TENM3: variants seen among roughly 807,000 people sequenced by gnomAD.
The protein encoded by TENM3 is teneurin transmembrane protein 3.
Under a neutral mutation model 255.1 loss-of-function variants are expected in TENM3, and 63 were observed. The ratio of observed to expected loss-of-function variants is 0.25; its 90% confidence interval spans 0.20 to 0.30. TENM3 has a LOEUF of 0.30. Ranked by LOEUF, TENM3 falls within the 10% of genes least tolerant of loss-of-function variation. The probability of loss-of-function intolerance (pLI) is 1.00; values close to 1 mark genes in which losing one functional copy is unlikely to be tolerated. For missense variants in TENM3, 2,929 were observed against 3,461.1 expected (o/e 0.85, Z 3.86); for synonymous variants, 1,306 against 1,322.3 (o/e 0.99, Z 0.27).
chr4:182,020,816 T>C, the TENM3 span, among the ~76,000 whole-genome samples: 1 of 152,176 alleles, frequency 6.6e-6, no homozygotes, highest in African/African-American at 2.4e-5. Context: ...TTGCACTCAC[T>C]CTCAAGGCTT....
chr4:181,576,524 A>G, the TENM3 span, among the ~76,000 whole-genome samples: 1 of 152,148 alleles, frequency 6.6e-6, no homozygotes, highest in Admixed American at 6.6e-5. Context: ...AGGCTGTACT[A>G]ATTTACATTC....
intron 3 of TENM3, among the ~76,000 whole-genome samples, chr4:182,368,629 G>A (rs189670744): frequency 3.7e-4 from 56 of 152,278 alleles, no homozygotes; most frequent in African/African-American, 1.1e-3. Context: ...GCCTTAAAAT[G>A]TTGTCATAGT....
chr4:181,605,560 A>T, the TENM3 span, among the ~76,000 whole-genome samples: 504 of 26,798 alleles, frequency 0.019, 93 homozygotes, highest in East Asian at 0.053. Flanking sequence ...GAAAGAAAGA[A>T]AGAAAGAAAG....
In TENM3 at chr4:182,260,018, G is replaced by A. The variant is rs562394622; in HGVS notation, c.-76+16542G>A. On this transcript the variant is annotated intron_variant, in intron 1 of 27. Transcript: ENST00000511685. ...TCTGTCTGTGCCTGGCTTATTTCAC[G>A]TAACGTAATGTCCTCCAGTTCCATC... Among the ~76,000 whole-genome samples the A allele has an allele frequency of 5.2e-4, 79 of 152,152 alleles. No individual in the cohort carries two copies. The South Asian group carries it at 0.012, about 24-fold the overall frequency.
intron 1 of TENM3, among the ~76,000 whole-genome samples, chr4:182,175,018 A>G (rs1032819402): frequency 5.9e-5 from 9 of 152,156 alleles, no homozygotes; most frequent in South Asian, 4.1e-4. Context: ...TGAACTTGCA[A>G]TCTGTTCTCT....
At chr4:182,701,690 C>T (rs964826677) in intron 12 of TENM3, among the ~76,000 whole-genome samples, 8 of 152,200 alleles carry the variant, frequency 5.3e-5, no homozygotes, top group Non-Finnish European at 7.3e-5. Context: ...CCCCTACAAG[C>T]GTTGTCCTCT....
At chr4:181,516,001 A>G in the TENM3 span, among the ~76,000 whole-genome samples, 1 of 152,102 alleles carries the variant, frequency 6.6e-6, no homozygotes, top group African/African-American at 2.4e-5. Flanking sequence ...TGCATCATGG[A>G]ATACTATGCA....
intron 6 of TENM3, among the ~76,000 whole-genome samples, chr4:182,670,770 C>G (rs1248040903): frequency 6.6e-6 from 1 of 152,118 alleles, no homozygotes; most frequent in African/African-American, 2.4e-5. Flanking sequence ...GATTGCAGGT[C>G]ATGTTCCGTA....
At chr4:182,335,386 T>G (rs1359534790) in intron 2 of TENM3, among the ~76,000 whole-genome samples, 1 of 137,778 alleles carries the variant, frequency 7.3e-6, no homozygotes, top group African/African-American at 2.6e-5. Context: ...TCCCAGCTGC[T>G]CGGGAGGCTG....
chr4:182,302,314 A>C (rs1042995084), intron 1 of TENM3, among the ~76,000 whole-genome samples: 3 of 152,184 alleles, frequency 2.0e-5, no homozygotes, highest in African/African-American at 7.2e-5. Flanking sequence ...GTGGAAGGTG[A>C]AAGTCATGTT....
chr4:181,895,028 T>G, the TENM3 span, among the ~76,000 whole-genome samples: 1 of 152,094 alleles, frequency 6.6e-6, no homozygotes. Flanking sequence ...GCCATAGTTA[T>G]TTATTTATTC....
chr4:182,061,154 T>C, the TENM3 span, among the ~76,000 whole-genome samples: 1 of 152,152 alleles, frequency 6.6e-6, no homozygotes, highest in Non-Finnish European at 1.5e-5. Context: ...TTTGAGATGG[T>C]GTTGCTGTTG....
chr4:182,380,942 C>T (rs770507136), intron 3 of TENM3, among the ~76,000 whole-genome samples: 1 of 152,208 alleles, frequency 6.6e-6, no homozygotes, highest in African/African-American at 2.4e-5. Flanking sequence ...TTGGCACCAG[C>T]GCATGGAGAA....
chr4:182,217,016 T>C lies in TENM3; in HGVS notation c.-76+72262T>C, dbSNP rs1290844705. ...TTCACCATCATTTTCTTTCTTTTTT[T>C]TTTTTTTTTTTTTTTTTTTTTTTTG... On this transcript the variant is annotated intron_variant, in intron 1 of 2. Coordinates refer to the TENM3 transcript ENST00000512480. Among the ~76,000 whole-genome samples the C allele has an allele frequency of 4.0e-3, 407 of 101,404 alleles. 5 individuals are homozygous for C. The highest frequency in any genetic ancestry group is 0.018 in the South Asian group (49 of 2,726). The allele number at this position is 101,404 out of a possible 152,430, so 66.5% of individuals were successfully genotyped here.
At chr4:181,553,825 G>C in the TENM3 span, among the ~76,000 whole-genome samples, 1 of 151,892 alleles carries the variant, frequency 6.6e-6, no homozygotes, top group Non-Finnish European at 1.5e-5. Flanking sequence ...ATGAAGCTGG[G>C]GACAAACTCA....
chr4:182,532,696 G>T (rs974508501), intron 3 of TENM3, among the ~76,000 whole-genome samples: 2 of 152,138 alleles, frequency 1.3e-5, no homozygotes, highest in African/African-American at 4.8e-5. Flanking sequence ...TGACCAGAAA[G>T]AGTTAATAAT....
intron 1 of TENM3, among the ~76,000 whole-genome samples, chr4:182,303,481 A>G (rs17073030): frequency 0.13 from 19,725 of 152,200 alleles, 1,410 homozygotes; most frequent in Middle Eastern, 0.24. Context: ...AAGCGTAAGA[A>G]TTGATATGAC....
chr4:182,174,088 G>A (rs571032766), intron 1 of TENM3, among the ~76,000 whole-genome samples: 1 of 152,032 alleles, frequency 6.6e-6, no homozygotes, highest in East Asian at 1.9e-4. Flanking sequence ...CAGAAATTAA[G>A]ATTAATTTAC....
chr4:182,689,321 A>G (rs994094041), intron 12 of TENM3, among the ~76,000 whole-genome samples: 2 of 152,176 alleles, frequency 1.3e-5, no homozygotes, highest in Admixed American at 1.3e-4. Flanking sequence ...ATGTATCCGT[A>G]AGTATTATGT....
Sources: allele counts gnomAD v4.1 joint callset (sites outside exome capture counted in the v4.1 genomes callset), GRCh38; gene constraint gnomAD v4.1.1; transcripts MANE v1.5; gene names NCBI Gene and HGNC (gene_info 2026-07-23, HGNC 2026-07-21).